Variants in PNPLA1 observed in about 807,000 individuals in gnomAD.
PNPLA1 encodes patatin like domain 1, omega-hydroxyceramide transacylase.
A neutral mutation model predicts 51.7 loss-of-function variants in PNPLA1; 36 were observed. The observed-to-expected ratio is 0.70, with a 90% CI of 0.53 to 0.92. PNPLA1 has a LOEUF of 0.92. Ranked by LOEUF, PNPLA1 falls within the 40% of genes least tolerant of loss-of-function variation. PNPLA1 has a pLI of 0.00. For synonymous variants in PNPLA1, 293 were observed against 280.1 expected (o/e 1.05, Z -0.46); for missense variants, 658 against 682.5 (o/e 0.96, Z 0.40).
chr6:36,277,374 A>T (rs572024500), intron 1 of PNPLA1, among the ~76,000 whole-genome samples: 6 of 152,364 alleles, frequency 3.9e-5, no homozygotes, highest in African/African-American at 1.4e-4. Flanking sequence ...CCTGACTGCA[A>T]GAGAACCCAG....
intron 2 of PNPLA1, among the ~76,000 whole-genome samples, chr6:36,291,996 G>A (rs1449951950): frequency 6.6e-6 from 1 of 152,214 alleles, no homozygotes; most frequent in Non-Finnish European, 1.5e-5. Context: ...ATAAGGGATT[G>A]AATGGTTACC....
intron 1 of PNPLA1, among the ~76,000 whole-genome samples, chr6:36,278,579 C>G (rs1214430807): frequency 6.6e-6 from 1 of 152,208 alleles, no homozygotes; most frequent in East Asian, 1.9e-4. Flanking sequence ...GGAGGAAAAG[C>G]AGGGGACAGA....
intron 2 of PNPLA1, among the ~76,000 whole-genome samples, chr6:36,292,190 C>T (rs1239635741): frequency 6.6e-6 from 1 of 152,110 alleles, no homozygotes; most frequent in Non-Finnish European, 1.5e-5. Flanking sequence ...CCTTCCTTCC[C>T]CCACATACAG....
rs56666166 is a variant in PNPLA1, at chr6:36,282,096, G to GAAAGAAAA, written c.206-9224_206-9223insAAAGAAAA. On this transcript the variant is annotated intron_variant, in intron 1 of 8. Coordinates refer to ENST00000636260, the MANE Select transcript of PNPLA1 (RefSeq NM_001374623.1). ...AAGAAAGAAAGAAAGAAAGAAGGAA[G>GAAAGAAAA]GAAGGAAGGAAGGAAGGAAGGAAGG... Among the ~76,000 whole-genome samples, 3 of 52,672 alleles carry GAAAGAAAA rather than the reference G, an allele frequency of 5.7e-5. No homozygotes were observed. The East Asian group carries it at 1.6e-3, about 29-fold the overall frequency. The allele number at this position is 52,672 out of a possible 152,430, so 34.6% of individuals were successfully genotyped here. A position where few individuals can be genotyped will look rare whatever the true frequency, so the allele number is the denominator to read the frequency against.
intron 5 of PNPLA1, among the ~76,000 whole-genome samples, chr6:36,297,981 C>T (rs1770911608): frequency 1.3e-5 from 2 of 152,238 alleles, no homozygotes; most frequent in South Asian, 2.1e-4. Context: ...CACCTTCCCT[C>T]ACCCCCCGCC....
intron 1 of PNPLA1, among the ~76,000 whole-genome samples, chr6:36,262,956 TTTC>T (rs1432208691): frequency 6.6e-6 from 1 of 152,248 alleles, no homozygotes; most frequent in Non-Finnish European, 1.5e-5. Flanking sequence ...CCTATGAGTA[TTTC>T]TGTAGGATAA....
intron 1 of PNPLA1, among the ~76,000 whole-genome samples, chr6:36,282,088 A>AGAAGGAAGGAAGGAAG (rs70975141): frequency 2.4e-4 from 24 of 98,910 alleles, no homozygotes; most frequent in African/African-American, 4.8e-4. Flanking sequence ...AAAGAAAGAA[A>AGAAGGAAGGAAGGAAG]GAAGGAAGGA....
At chr6:36,299,345 T>G (rs200234353) in intron 5 of PNPLA1, among the ~76,000 whole-genome samples, 1 of 122,564 alleles carries the variant, frequency 8.2e-6, no homozygotes, top group Admixed American at 8.7e-5. Flanking sequence ...GTTTTTTTTT[T>G]TTTTTTTGAG....
intron 2 of PNPLA1, 27 bp downstream of exon 2, chr6:36,291,579 G>GGGGGGGGGGGGGGA: frequency 9.6e-6 from 1 of 103,658 alleles, no homozygotes. Flanking sequence ...GGGAGGGAGG[G>GGGGGGGGGGGGGGA]ACACGGAGGG....
rs1185940504 is a variant in PNPLA1 at position 36,270,144 on chromosome 6, G to T, written c.-316G>T. 6.6e-6 allele frequency among the ~76,000 whole-genome samples: 1 copy of T among 152,266 alleles called. No individual in the cohort carries two copies. Among genetic ancestry groups the T allele is most frequent in the African/African-American group, 2.4e-5 (1 of 41,472 alleles). The stretch of plus-strand genomic sequence containing the variant: ...GGGCTGAGGATCCCGTGCCCGAGAT[G>T]AATCTAGCCAAGAAATGAAGCCAGT... On this transcript the variant is annotated 5_prime_UTR_variant, in exon 1 of 9. The change abolishes an upstream ATG in the 5' untranslated region. Coordinates refer to ENST00000636260, the MANE Select transcript of PNPLA1 (RefSeq NM_001374623.1).
chr6:36,252,267 T>C (rs1179304993), intron 1 of PNPLA1, among the ~76,000 whole-genome samples: 1 of 152,208 alleles, frequency 6.6e-6, no homozygotes, highest in Non-Finnish European at 1.5e-5. Context: ...GAGGGCTTTC[T>C]AGAAAGGGTT....
rs1582086463 is a variant in PNPLA1, at chr6:36,295,391, T to C, written c.742T>C (p.Tyr248His). 6.2e-7 allele frequency: 1 copy of C among 1,614,094 alleles called. No homozygotes were observed. ...VILHDYYYRG[Y>H]EDAVLYLRRL... ...CCTGCACGATTACTACTACCGAGGG[T>C]ACGAGGATGCAGTTTTGTACTTGAG... Residue 248 changes from tyrosine to histidine, a missense_variant, in exon 5 of 9, where the codon TAC becomes CAC. Tyr to His is a moderately conservative substitution (Grantham distance 83). Coordinates refer to ENST00000636260, the MANE Select transcript of PNPLA1 (RefSeq NM_001374623.1).
intron 1 of PNPLA1, among the ~76,000 whole-genome samples, chr6:36,281,623 C>G (rs58159024): frequency 0.014 from 2,108 of 152,276 alleles, 45 homozygotes; most frequent in African/African-American, 0.048. Flanking sequence ...TGTCTACATT[C>G]TACATCCTCT....
Position 36,298,021 on chromosome 6 carries a change from GC to G in PNPLA1, c.775+2599del, listed in dbSNP as rs139049282. Among the ~76,000 whole-genome samples the G allele has an allele frequency of 2.6e-5, 4 of 152,006 alleles. No individual in the cohort carries two copies. The East Asian group carries it at 7.7e-4, about 29-fold the overall frequency. The stretch of plus-strand genomic sequence containing the variant: ...CCAAGCAACCCCTGATCTGCTTTCT[GC>G]CATTATAGATTAATTCACTACAATG... On this transcript the variant is annotated intron_variant, in intron 5 of 8. Transcript: ENST00000636260.
chr6:36,274,017 G>T (rs1228752078), intron 1 of PNPLA1, among the ~76,000 whole-genome samples: 1 of 152,130 alleles, frequency 6.6e-6, no homozygotes, highest in Non-Finnish European at 1.5e-5. Context: ...TATGAGACTT[G>T]TCAATGTCAC....
chr6:36,269,374 C>T (rs991128218), upstream of PNPLA1, among the ~76,000 whole-genome samples: 3 of 152,190 alleles, frequency 2.0e-5, no homozygotes, highest in South Asian at 2.1e-4. Context: ...GGGGCAGAAC[C>T]GCAGCCCCTG....
At chr6:36,287,898 C>A (rs754837160) in intron 1 of PNPLA1, among the ~76,000 whole-genome samples, 1 of 152,144 alleles carries the variant, frequency 6.6e-6, no homozygotes, top group East Asian at 1.9e-4. Context: ...CAACTTCCTG[C>A]CCTCTTCCTC....
chr6:36,255,292 G>C (rs1220156196), intron 1 of PNPLA1, among the ~76,000 whole-genome samples: 1 of 152,032 alleles, frequency 6.6e-6, no homozygotes, highest in Non-Finnish European at 1.5e-5. Context: ...ATCACCTGAG[G>C]TTGGGAGTTC....
chr6:36,289,274 C>T (rs1207107952), intron 1 of PNPLA1, among the ~76,000 whole-genome samples: 4 of 152,154 alleles, frequency 2.6e-5, no homozygotes, highest in African/African-American at 9.7e-5. Flanking sequence ...TGGGAAAAGC[C>T]ATTGACCCTT....
Sources: gnomAD v4.1 joint callset for allele counts (sites outside exome capture counted in the v4.1 genomes callset) on GRCh38, gnomAD v4.1.1 for gene constraint, MANE v1.5 for transcripts, NCBI Gene and HGNC (gene_info 2026-07-23, HGNC 2026-07-21) for gene names.